Variants in SEC63 observed in about 807,000 individuals in gnomAD.
The protein encoded by SEC63 is SEC63 protein translocation regulator.
Under a neutral mutation model 116.2 loss-of-function variants are expected in SEC63, and 56 were observed. The ratio of observed to expected loss-of-function variants is 0.48; its 90% CI spans 0.39 to 0.60. The LOEUF (loss-of-function observed/expected upper bound fraction) is 0.60. Among genes scored for constraint, SEC63 ranks in the 20% least tolerant of loss-of-function variants. SEC63 has a pLI of 0.00. For synonymous variants in SEC63, 273 were observed against 294.6 expected (o/e 0.93, Z 0.75); for missense variants, 668 against 900.0 (o/e 0.74, Z 3.30).
chr6:107,869,408 T>G lies in SEC63; in HGVS notation c.*2296A>C, dbSNP rs1432398333. Reference sequence around the variant, plus strand: ...AATTAGAGAAAAATATCACATAATTTAACTGTTTCAATTTCACTTCCTATA... The same window carrying G: ...AATTAGAGAAAAATATCACATAATTGAACTGTTTCAATTTCACTTCCTATA... On this transcript the variant is annotated 3_prime_UTR_variant, in exon 21 of 21. Coordinates refer to ENST00000369002, the MANE Select transcript of SEC63 (RefSeq NM_007214.5). The G allele has an allele frequency of 6.6e-6, 1 of 152,220 alleles. No homozygotes were observed. Among genetic ancestry groups the G allele is most frequent in the Non-Finnish European group, 1.5e-5 (1 of 68,046 alleles). 9.4% of individuals were successfully genotyped at this position (152,220 alleles called of 1,614,324 possible). A position where few individuals can be genotyped will look rare whatever the true frequency, so the allele number is the denominator to read the frequency against.
intron 4 of SEC63, among the ~76,000 whole-genome samples, chr6:107,920,280 G>C (rs945109257): frequency 2.0e-5 from 3 of 151,902 alleles, no homozygotes; most frequent in African/African-American, 7.3e-5. Flanking sequence ...AAAAACATTA[G>C]CCGGGCGTGG....
At chr6:107,916,687 T>G (rs924654192) in intron 4 of SEC63, among the ~76,000 whole-genome samples, 2 of 152,352 alleles carry the variant, frequency 1.3e-5, no homozygotes, top group African/African-American at 4.8e-5. Context: ...TCTCACAATA[T>G]ATCTAATGTT....
intron 7 of SEC63, chr6:107,909,286 G>C: frequency 2.5e-6 from 1 of 398,088 alleles, no homozygotes; most frequent in Non-Finnish European, 4.7e-6. Flanking sequence ...GCTGAGGTGG[G>C]AAGATTGCTA....
At chr6:107,897,776 T>C in intron 13 of SEC63, 45 bp from the exon 14 acceptor site, 1 of 1,346,770 alleles carries the variant, frequency 7.4e-7, no homozygotes, top group Admixed American at 1.7e-5. Context: ...AAAAATCAAG[T>C]TCTATGTTAA....
chr6:107,906,674 T>C lies in SEC63; in HGVS notation c.828+9A>G. On this transcript the variant is annotated intron_variant, in intron 9 of 20. Coordinates refer to ENST00000369002, the MANE Select transcript of SEC63 (RefSeq NM_007214.5). ...CTGCTCATCGGGGGATTTGGGAAAT[T>C]AGCCTAACCTGTGGTATTAGAATAT... The C allele has an allele frequency of 6.2e-7, 1 of 1,611,976 alleles. No individual in the cohort carries two copies. Among genetic ancestry groups the C allele is most frequent in the Non-Finnish European group, 8.5e-7 (1 of 1,178,066 alleles).
chr6:107,930,161 T>C (rs113874686), intron 1 of SEC63: 1 of 144,002 alleles, frequency 6.9e-6, no homozygotes, highest in African/African-American at 2.6e-5. Flanking sequence ...ACACGCAAAT[T>C]TGCAAAGTAT....
chr6:107,921,772 A>T, intron 4 of SEC63, 25 bp downstream of exon 4: 1 of 1,446,638 alleles, frequency 6.9e-7, no homozygotes, highest in East Asian at 2.3e-5. Flanking sequence ...ATTCTTAAAA[A>T]TTTGTAATGG....
At chr6:107,888,137 A>G (rs1213270528) in intron 16 of SEC63, among the ~76,000 whole-genome samples, 1 of 152,146 alleles carries the variant, frequency 6.6e-6, no homozygotes, top group African/African-American at 2.4e-5. Context: ...AAGAAAGTCA[A>G]TGGTAGCTTG....
chr6:107,955,640 C>A (rs1770695651), intron 1 of SEC63, among the ~76,000 whole-genome samples: 1 of 152,036 alleles, frequency 6.6e-6, no homozygotes, highest in South Asian at 2.1e-4. Context: ...AGTCCCAGCA[C>A]TTTGGGAGCC....
Position 107,928,562 on chromosome 6 carries a change from C to T in SEC63, c.224+853G>A, listed in dbSNP as rs548315284. ...ACCTTACAAAGAAAAACTAAACGCC[C>T]TGAAATTATGCTGAAAAAAAACTAT... On this transcript the variant is annotated intron_variant, in intron 2 of 20. Coordinates refer to ENST00000369002, the MANE Select transcript of SEC63 (RefSeq NM_007214.5). Among the ~76,000 whole-genome samples the T allele has an allele frequency of 7.9e-5, 12 of 152,194 alleles. No individual in the cohort carries two copies. The East Asian group carries it at 1.9e-3, about 24-fold the overall frequency.
intron 1 of SEC63, among the ~76,000 whole-genome samples, chr6:107,938,020 A>G (rs2114501901): frequency 6.6e-6 from 1 of 151,784 alleles, no homozygotes; most frequent in Middle Eastern, 3.4e-3. Flanking sequence ...GCTGTGCAGA[A>G]TCTTTTAGTT....
At chr6:107,920,242 T>A (rs1435960561) in intron 4 of SEC63, among the ~76,000 whole-genome samples, 1 of 151,642 alleles carries the variant, frequency 6.6e-6, no homozygotes, top group Non-Finnish European at 1.5e-5. Context: ...GCTAACATGG[T>A]AAAACCCCAT....
chr6:107,872,603 A>T lies in SEC63; in HGVS notation c.2139+205T>A, dbSNP rs113832750. Among the ~76,000 whole-genome samples the T allele has an allele frequency of 0.011, 1,638 of 152,266 alleles. 31 individuals carry two copies. Among genetic ancestry groups the T allele is most frequent in the African/African-American group, 0.037 (1,550 of 41,552 alleles). ...TGCATCCCTAAAGTAATTTATATTC[A>T]ATGTTCTAAACTGTTACACTCCTTA... is the stretch of plus-strand genomic sequence containing the variant. On this transcript the variant is annotated intron_variant, in intron 20 of 20. Coordinates refer to ENST00000369002, the MANE Select transcript of SEC63 (RefSeq NM_007214.5).
At chr6:107,925,017 T>C (rs1787644430) in intron 2 of SEC63, 85 bp from the exon 3 acceptor site, 1 of 780,422 alleles carries the variant, frequency 1.3e-6, no homozygotes, top group Non-Finnish European at 2.3e-6. Context: ...AGGCAAAAAC[T>C]CTACAGTAGT....
At chr6:107,926,395 A>T (rs936707169) in intron 2 of SEC63, among the ~76,000 whole-genome samples, 2 of 152,272 alleles carry the variant, frequency 1.3e-5, no homozygotes, top group African/African-American at 4.8e-5. Context: ...GAATCTTAAG[A>T]GGCCAAATTA....
intron 2 of SEC63, among the ~76,000 whole-genome samples, chr6:107,926,328 C>T (rs972947124): frequency 9.9e-5 from 15 of 152,206 alleles, no homozygotes; most frequent in African/African-American, 3.6e-4. Context: ...ATTTCTTATA[C>T]CCTTTGTATG....
rs866827021 is a variant in SEC63, at chr6:107,924,152, T to C, written c.339+666A>G. On this transcript the variant is annotated intron_variant, in intron 3 of 20. Coordinates refer to ENST00000369002, the MANE Select transcript of SEC63 (RefSeq NM_007214.5). ...GATGGCAGGTGCCTGTAGTCCCAGC[T>C]ACTTGGGAGGCTGAGGCAGGAGAAT... Among the ~76,000 whole-genome samples, 10 of 150,348 alleles carry C rather than the reference T, an allele frequency of 6.7e-5. No individual in the cohort carries two copies. The South Asian group carries it at 1.3e-3, about 19-fold the overall frequency.
At chr6:107,942,103 A>C in intron 1 of SEC63, among the ~76,000 whole-genome samples, 1 of 152,362 alleles carries the variant, frequency 6.6e-6, no homozygotes, top group South Asian at 2.1e-4. Flanking sequence ...CTACCATTCT[A>C]TAATTAGATA....
chr6:107,903,307 G>A (rs915438515), intron 11 of SEC63, among the ~76,000 whole-genome samples: 3 of 151,664 alleles, frequency 2.0e-5, no homozygotes, highest in South Asian at 2.1e-4. Flanking sequence ...AACATCACCC[G>A]TAACAACAAA....
Sources: allele counts gnomAD v4.1 joint callset (sites outside exome capture counted in the v4.1 genomes callset), GRCh38; gene constraint gnomAD v4.1.1; transcripts MANE v1.5; gene names NCBI Gene and HGNC (gene_info 2026-07-23, HGNC 2026-07-21).